Variants in PXDN observed in about 807,000 individuals in gnomAD.
The protein encoded by PXDN is peroxidasin.
PXDN carries 77 observed loss-of-function variants against 140.3 expected under a neutral mutation model. That is an observed-to-expected ratio of 0.55 (90% CI 0.46 to 0.66). The LOEUF (loss-of-function observed/expected upper bound fraction) is 0.66. Ranked by LOEUF, PXDN falls within the 30% of genes least tolerant of loss-of-function variation. The probability of loss-of-function intolerance (pLI) is 0.00; values close to 1 mark genes in which losing one functional copy is unlikely to be tolerated. For synonymous variants in PXDN, 911 were observed against 857.4 expected (o/e 1.06, Z -1.09); for missense variants, 1,838 against 2,039.5 (o/e 0.90, Z 1.90).
Position 1,649,548 on chromosome 2 carries a change from G to C in PXDN, c.2232C>G (p.His744Gln), listed in dbSNP as rs754446931. 11 of 1,613,908 alleles carry C rather than the reference G, an allele frequency of 6.8e-6. No homozygotes were observed. The African/African-American group carries it at 9.3e-5, about 14-fold the overall frequency. Residue 744 changes from histidine to glutamine, a missense_variant, in exon 17 of 23, where the codon CAC becomes CAG. This residue lies in a region of PXDN where 537 missense variants were observed against 583.9 expected (regional missense o/e 0.92). Transcript: ENST00000252804. The surrounding 1 kb of genome is among the most constrained non-coding windows in gnomAD (Gnocchi z 7.1). ...DMCFHQKYRT[H>Q]DGTCNNLQHP... is the part of the protein sequence containing the mutation. ...GCTGCAGGTTGTTACAGGTGCCGTC[G>C]TGCGTCCGGTACTTCTGGTGGAAGC...
chr2:1,635,705 C>T (rs928043281), intron 21 of PXDN, 184 bp from the exon 22 acceptor site: 11 of 611,958 alleles, frequency 1.8e-5, no homozygotes, highest in African/African-American at 3.7e-5. Context: ...GCTGACCACA[C>T]GCCCCAATGG....
rs556209910 is a variant in PXDN at position 1,696,954 on chromosome 2, C to T, written c.201-3820G>A. On this transcript the variant is annotated intron_variant, in intron 1 of 22. Coordinates refer to ENST00000252804, the MANE Select transcript of PXDN (RefSeq NM_012293.3). ...AATATGAACCCCAACTTCAAGGTCACGAAGACAAATACAAGGGCTGATTTT... is the reference window on the plus strand; with the variant it reads ...AATATGAACCCCAACTTCAAGGTCATGAAGACAAATACAAGGGCTGATTTT... Among the ~76,000 whole-genome samples, 9 of 152,292 alleles carry T rather than the reference C, an allele frequency of 5.9e-5. 1 individual carries two copies. In the South Asian group the frequency reaches 1.7e-3, roughly 28 times the overall value.
intron 9 of PXDN, among the ~76,000 whole-genome samples, chr2:1,673,435 G>A (rs1036430177): frequency 3.3e-5 from 5 of 152,150 alleles, no homozygotes; most frequent in Non-Finnish European, 7.4e-5. Flanking sequence ...TGTGTCCCCA[G>A]ATGAGGGGCT....
Position 1,684,557 on chromosome 2 carries a change from G to A in PXDN, c.417-406C>T, listed in dbSNP as rs888050972. 2.1e-4 allele frequency among the ~76,000 whole-genome samples: 32 copies of A among 152,196 alleles called. 1 individual carries two copies. Among genetic ancestry groups the A allele is most frequent in the East Asian group, 5.8e-4 (3 of 5,180 alleles). On this transcript the variant is annotated intron_variant, in intron 4 of 22. Coordinates refer to ENST00000252804, the MANE Select transcript of PXDN (RefSeq NM_012293.3). ...TACCTTCCCTCAAATCTTTTAACTC[G>A]TGTATAAATTTGGCAGGGGCATCAT...
chr2:1,674,643 CT>C (rs1268477952), intron 8 of PXDN, among the ~76,000 whole-genome samples: 2 of 152,170 alleles, frequency 1.3e-5, no homozygotes, highest in Non-Finnish European at 2.9e-5. Context: ...CTTTAGTTCC[CT>C]TTATGCAGAA....
chr2:1,654,773 T>C (rs981359466), intron 14 of PXDN, among the ~76,000 whole-genome samples: 1 of 152,186 alleles, frequency 6.6e-6, no homozygotes, highest in African/African-American at 2.4e-5. Flanking sequence ...GCATGGAAGA[T>C]CTTACGCTAT....
chr2:1,689,316 CATTT>C (rs1684133963), intron 3 of PXDN, among the ~76,000 whole-genome samples: 4 of 152,062 alleles, frequency 2.6e-5, no homozygotes, highest in Admixed American at 2.6e-4. Flanking sequence ...TTTCTGTGCC[CATTT>C]ATTTAAAAAG....
intron 14 of PXDN, among the ~76,000 whole-genome samples, chr2:1,654,966 T>C (rs1341629713): frequency 6.6e-6 from 1 of 152,066 alleles, no homozygotes; most frequent in East Asian, 1.9e-4. Flanking sequence ...GCTGCCTCCA[T>C]GATCCCATCT....
At chr2:1,719,951 GCAGAGAGAGGGAGATGCA>G (rs1684986247) in intron 1 of PXDN, among the ~76,000 whole-genome samples, 1 of 76,654 alleles carries the variant, frequency 1.3e-5, no homozygotes, top group Non-Finnish European at 2.7e-5. Flanking sequence ...AGGGAGGGAT[GCAGAGAGAGGGAGATGCA>G]CAGAGAGAGG....
At chr2:1,655,767 T>C (rs1683119328) in intron 14 of PXDN, among the ~76,000 whole-genome samples, 1 of 128,918 alleles carries the variant, frequency 7.8e-6, no homozygotes, top group African/African-American at 3.0e-5. Flanking sequence ...TCCTGACACA[T>C]GCCACCTACA....
rs1335361048 is a variant in PXDN at position 1,635,454 on chromosome 2, T to C, written c.4274A>G (p.Asn1425Ser). 1 of 1,602,662 alleles carries C rather than the reference T, an allele frequency of 6.2e-7. No homozygotes were observed. The highest frequency in any genetic ancestry group is 8.5e-7 in the Non-Finnish European group (1 of 1,174,100). The part of the protein sequence containing the change: ...CVDAGGESHA[N>S]NTKWKKDACT... ...TGCATCTTTTTTCCACTTGGTGTTG[T>C]TGGCGTGAGATTCGCCCCCGGCATC... The change falls in exon 22 of 23, where the codon AAC (asparagine) becomes AGC (serine). Residue 1425 changes from asparagine (N) to serine (S), a missense_variant. Asn to Ser is a conservative substitution (Grantham distance 46). Around this residue, in one of 5 missense-constraint regions of PXDN, gnomAD observed 850 missense variants for 894.1 expected, o/e 0.95. Transcript: ENST00000252804.
Position 1,658,479 on chromosome 2 carries a change from C to T in PXDN, c.1837+2402G>A, listed in dbSNP as rs115414469. On this transcript the variant is annotated intron_variant, in intron 14 of 22. Coordinates refer to ENST00000252804, the MANE Select transcript of PXDN (RefSeq NM_012293.3). ...GCCCCCTCAGATCTGCTACTGGCCA[C>T]GAGCCCAGGGACCAGCCCCGCAGAC... Among the ~76,000 whole-genome samples the T allele has an allele frequency of 7.1e-3, 1,082 of 152,024 alleles. 12 individuals carry two copies. Among genetic ancestry groups the T allele is most frequent in the African/African-American group, 0.025 (1,027 of 41,442 alleles).
At chr2:1,695,574 G>C (rs112986532) in intron 1 of PXDN, among the ~76,000 whole-genome samples, 10 of 24,670 alleles carry the variant, frequency 4.1e-4, no homozygotes, top group Non-Finnish European at 8.5e-4. Context: ...CTGCTGGACA[G>C]AGAGGTGCTG....
In PXDN at chr2:1,639,439, A is replaced by G. The variant is rs1349614788; in HGVS notation, c.3953-17T>C. 1 of 1,613,768 alleles carries G rather than the reference A, an allele frequency of 6.2e-7. No individual in the cohort carries two copies. Among genetic ancestry groups the G allele is most frequent in the African/African-American group, 1.3e-5 (1 of 74,930 alleles). Reference sequence around the variant, plus strand: ...TCCTACAGTCTAAAATGGAAGCACAAAGCAGAATGTCAGCTCTGAAGGCTC... The same window carrying G: ...TCCTACAGTCTAAAATGGAAGCACAGAGCAGAATGTCAGCTCTGAAGGCTC... On this transcript the variant is annotated splice_polypyrimidine_tract_variant and intron_variant, in intron 19 of 22. Transcript: ENST00000252804. This position sits in a 1 kb window ranked among gnomAD's most constrained non-coding sequence, Gnocchi z 5.0.
At chr2:1,715,794 C>T (rs934944324) in intron 1 of PXDN, among the ~76,000 whole-genome samples, 1 of 152,190 alleles carries the variant, frequency 6.6e-6, no homozygotes, top group Non-Finnish European at 1.5e-5. Context: ...CCAACCTCTG[C>T]AGGATGAATA....
chr2:1,733,568 C>T (rs1685358964), intron 1 of PXDN, among the ~76,000 whole-genome samples: 1 of 151,956 alleles, frequency 6.6e-6, no homozygotes, highest in Non-Finnish European at 1.5e-5. Context: ...ATGGTGAAAT[C>T]CCGTTTCTAC....
rs764442724 is a variant in PXDN, at chr2:1,680,266, C to T, written c.657G>A (p.Ala219=). Residue 219 remains alanine (A), a synonymous_variant, in exon 7 of 23, where the codon GCG becomes GCA. Coordinates refer to ENST00000252804, the MANE Select transcript of PXDN (RefSeq NM_012293.3). ...TGCGTCTGGGATATTCACAGATGGC[C>T]GCTGCCTGCGCGTTCCCCGACTCCG... is the stretch of plus-strand genomic sequence containing the variant. The part of the protein sequence containing the change: ...TYAESGNAQA[A]AICEYPRRIQ... 1.9e-6 allele frequency: 3 copies of T among 1,613,604 alleles called. No homozygotes were observed. The highest frequency in any genetic ancestry group is 3.3e-5 in the Admixed American group (2 of 59,974).
chr2:1,709,073 C>T (rs1352606815), intron 1 of PXDN, among the ~76,000 whole-genome samples: 1 of 152,156 alleles, frequency 6.6e-6, no homozygotes, highest in Non-Finnish European at 1.5e-5. Flanking sequence ...GAGCCAGGCT[C>T]CGTCTGGTCC....
chr2:1,701,832 T>C (rs1168645379), intron 1 of PXDN, among the ~76,000 whole-genome samples: 2 of 152,138 alleles, frequency 1.3e-5, no homozygotes, highest in African/African-American at 4.8e-5. Flanking sequence ...ACTGCCCTTA[T>C]GAAAGAACCC....
Sources: allele counts gnomAD v4.1 joint callset (sites outside exome capture counted in the v4.1 genomes callset), GRCh38; gene constraint gnomAD v4.1.1; regional missense constraint gnomAD v4.1.1; non-coding constraint Gnocchi (gnomAD v3.1); transcripts MANE v1.5; gene names NCBI Gene and HGNC (gene_info 2026-07-23, HGNC 2026-07-21).